Variants in VDAC1 observed in about 807,000 individuals in gnomAD.
VDAC1 encodes the protein voltage dependent anion channel 1, also known as non-selective voltage-gated ion channel VDAC1.
Under a neutral mutation model 34.7 loss-of-function variants are expected in VDAC1, and 10 were observed. The ratio of observed to expected loss-of-function variants is 0.29; its 90% CI spans 0.18 to 0.49. VDAC1 has a LOEUF of 0.49. Ranked by LOEUF, VDAC1 falls within the 20% of genes least tolerant of loss-of-function variation. VDAC1 has a pLI of 0.99. For synonymous variants in VDAC1, 130 were observed against 136.0 expected, an observed-to-expected ratio of 0.96 and a Z score of 0.30; for missense variants, 230 against 347.9, an observed-to-expected ratio of 0.66 and a Z score of 2.69.
the VDAC1 span, among the ~76,000 whole-genome samples, chr5:134,080,103 C>G: frequency 2.8e-4 from 43 of 152,342 alleles, no homozygotes; most frequent in African/African-American, 1.0e-3. Flanking sequence ...TGTAGAGAGG[C>G]CACAAGATGT....
the VDAC1 span, among the ~76,000 whole-genome samples, chr5:134,084,027 G>A: frequency 6.6e-6 from 1 of 152,198 alleles, no homozygotes; most frequent in Admixed American, 6.5e-5. Context: ...GTAAAATAGG[G>A]GGCAAATTAT....
chr5:134,067,081 C>CT, the VDAC1 span, among the ~76,000 whole-genome samples: 1,067 of 136,674 alleles, frequency 7.8e-3, 5 homozygotes, highest in South Asian at 0.012. Flanking sequence ...ATCAAAAGTT[C>CT]TTTTTTTTTT....
chr5:134,105,894 C>T, the VDAC1 span, among the ~76,000 whole-genome samples: 1 of 152,254 alleles, frequency 6.6e-6, no homozygotes, highest in Admixed American at 6.5e-5. Flanking sequence ...CTGGAGGGAA[C>T]AGGGCTGCAG....
chr5:134,032,480 A>G, the VDAC1 span, among the ~76,000 whole-genome samples: 1 of 152,200 alleles, frequency 6.6e-6, no homozygotes. Context: ...TACACCTCCA[A>G]CATTACAAAG....
the VDAC1 span, among the ~76,000 whole-genome samples, chr5:134,031,520 A>G: frequency 6.6e-6 from 1 of 152,184 alleles, no homozygotes; most frequent in Non-Finnish European, 1.5e-5. Context: ...ATGCAATGTG[A>G]CCAGGAAAGT....
the VDAC1 span, among the ~76,000 whole-genome samples, chr5:134,059,712 C>CCACA: frequency 6.6e-6 from 1 of 152,132 alleles, no homozygotes; most frequent in African/African-American, 2.4e-5. Flanking sequence ...ATGAAGCCAA[C>CCACA]CACACCCTAT....
the VDAC1 span, among the ~76,000 whole-genome samples, chr5:134,053,838 T>C: frequency 6.6e-6 from 1 of 152,164 alleles, no homozygotes; most frequent in Admixed American, 6.5e-5. Context: ...TTCCATTCTC[T>C]ATCTTTATGG....
upstream of VDAC1, among the ~76,000 whole-genome samples, chr5:134,005,887 T>C (rs770642664): frequency 7.2e-5 from 11 of 152,200 alleles, no homozygotes; most frequent in Non-Finnish European, 1.5e-4. Flanking sequence ...TAGGGCCCTG[T>C]GGAGGAGGTG....
Position 133,983,886 on chromosome 5 carries a change from T to C in VDAC1, c.324-2930A>G, listed in dbSNP as rs555123850. On this transcript the variant is annotated intron_variant, in intron 5 of 8. Coordinates refer to ENST00000265333, the MANE Select transcript of VDAC1 (RefSeq NM_003374.3). Reference sequence around the variant, plus strand: ...CACCTCCCCACCACTCTCTCTCTCTTGCTCCTGCTCTTGCCATGTGATGTG... The same window carrying C: ...CACCTCCCCACCACTCTCTCTCTCTCGCTCCTGCTCTTGCCATGTGATGTG... 2.0e-5 allele frequency among the ~76,000 whole-genome samples: 3 copies of C among 151,350 alleles called. No homozygotes were observed. In the East Asian group the frequency reaches 5.9e-4, roughly 30 times the overall value.
At chr5:134,041,940 C>T in the VDAC1 span, among the ~76,000 whole-genome samples, 1 of 152,238 alleles carries the variant, frequency 6.6e-6, no homozygotes, top group African/African-American at 2.4e-5. Flanking sequence ...TCCTCTGCAG[C>T]TTCAAAACAA....
the VDAC1 span, among the ~76,000 whole-genome samples, chr5:134,059,884 C>T: frequency 6.8e-6 from 1 of 146,094 alleles, no homozygotes; most frequent in Non-Finnish European, 1.6e-5. Context: ...GAGGCACAAA[C>T]AGCAAGGAAT....
At chr5:133,975,118 T>A (rs1488554958) in intron 7 of VDAC1, among the ~76,000 whole-genome samples, 1 of 152,012 alleles carries the variant, frequency 6.6e-6, no homozygotes, top group African/African-American at 2.4e-5. Flanking sequence ...AATTTTTTTT[T>A]AATTAGCCAG....
chr5:134,067,248 T>A, the VDAC1 span, among the ~76,000 whole-genome samples: 4 of 151,836 alleles, frequency 2.6e-5, no homozygotes, highest in Non-Finnish European at 5.9e-5. Flanking sequence ...GCTAATTTTG[T>A]ATTTTTAGTA....
the VDAC1 span, among the ~76,000 whole-genome samples, chr5:134,090,129 T>G: frequency 6.6e-6 from 1 of 152,126 alleles, no homozygotes; most frequent in Non-Finnish European, 1.5e-5. Flanking sequence ...GTCCCCACAT[T>G]CAGGCCAAGC....
intron 1 of VDAC1, among the ~76,000 whole-genome samples, chr5:133,996,777 T>G (rs554974513): frequency 8.7e-4 from 133 of 152,200 alleles, no homozygotes; most frequent in African/African-American, 3.1e-3. Context: ...AAGTAGAAAC[T>G]TGGAATCTGA....
chr5:134,070,766 T>C, the VDAC1 span, among the ~76,000 whole-genome samples: 1 of 152,216 alleles, frequency 6.6e-6, no homozygotes, highest in African/African-American at 2.4e-5. Context: ...TATTAGTGAA[T>C]ATAATAATCT....
the VDAC1 span, among the ~76,000 whole-genome samples, chr5:134,066,142 T>C: frequency 1.3e-5 from 2 of 152,032 alleles, no homozygotes; most frequent in Admixed American, 1.3e-4. Flanking sequence ...AGTCTCGCTC[T>C]GTTGCCCAGG....
intron 3 of VDAC1, 138 bp from the exon 4 acceptor site, chr5:133,991,292 A>G: frequency 9.4e-7 from 1 of 1,067,766 alleles, no homozygotes; most frequent in African/African-American, 1.6e-5. Context: ...CTACAATTCA[A>G]ATAGATATTT....
the VDAC1 span, among the ~76,000 whole-genome samples, chr5:134,081,477 C>G: frequency 6.6e-6 from 1 of 152,186 alleles, no homozygotes; most frequent in African/African-American, 2.4e-5. Flanking sequence ...CTGTGTCCAG[C>G]CAAAACAACA....
Sources: allele counts gnomAD v4.1 joint callset (sites outside exome capture counted in the v4.1 genomes callset), GRCh38; gene constraint gnomAD v4.1.1; transcripts MANE v1.5; gene names NCBI Gene and HGNC (gene_info 2026-07-23, HGNC 2026-07-21).